ZNF804A: variants seen among roughly 807,000 people sequenced by gnomAD.
The protein encoded by ZNF804A is zinc finger protein 804A.
Under a neutral mutation model 16.5 loss-of-function variants are expected in ZNF804A, and 2 were observed. The observed-to-expected ratio is 0.12, with a 90% CI of 0.05 to 0.38. The LOEUF is 0.38. ZNF804A is among the 10% of genes least tolerant of loss of function. The pLI is 0.99. For synonymous variants in ZNF804A, 534 were observed against 489.6 expected, an observed-to-expected ratio of 1.09 and a Z score of -1.20; for missense variants, 1,473 against 1,390.7, an observed-to-expected ratio of 1.06 and a Z score of -0.94.
intron 1 of ZNF804A, among the ~76,000 whole-genome samples, chr2:184,811,468 G>C (rs1334928785): frequency 6.6e-6 from 1 of 152,138 alleles, no homozygotes; most frequent in East Asian, 1.9e-4. Flanking sequence ...ACCTAGGATA[G>C]AACTTTCTTT....
At chr2:184,892,822 C>A (rs1307005781) in intron 2 of ZNF804A, among the ~76,000 whole-genome samples, 1 of 152,094 alleles carries the variant, frequency 6.6e-6, no homozygotes, top group Non-Finnish European at 1.5e-5. Flanking sequence ...ACAAACCTGA[C>A]GTCCTTACCT....
At chr2:184,887,113 T>G (rs575997693) in intron 2 of ZNF804A, among the ~76,000 whole-genome samples, 12 of 152,238 alleles carry the variant, frequency 7.9e-5, no homozygotes, top group Non-Finnish European at 1.6e-4. Flanking sequence ...AATGCTTTGC[T>G]GGTTACAAAT....
chr2:184,806,269 A>G (rs1694800268), intron 1 of ZNF804A, among the ~76,000 whole-genome samples: 1 of 151,952 alleles, frequency 6.6e-6, no homozygotes, highest in South Asian at 2.1e-4. Context: ...ATACTCTTAT[A>G]CATTCGTAGT....
chr2:184,747,560 AAG>A (rs1038939392), intron 1 of ZNF804A, among the ~76,000 whole-genome samples: 11 of 151,266 alleles, frequency 7.3e-5, no homozygotes, highest in Admixed American at 6.6e-5. Context: ...CGGAAATAAA[AAG>A]AGAATATATG....
intron 1 of ZNF804A, among the ~76,000 whole-genome samples, chr2:184,701,187 C>G (rs558872844): frequency 6.6e-6 from 1 of 151,934 alleles, no homozygotes; most frequent in South Asian, 2.1e-4. Flanking sequence ...TAATGTAAAA[C>G]TGTGATTCAA....
chr2:184,697,358 T>C (rs1692849039), intron 1 of ZNF804A, among the ~76,000 whole-genome samples: 1 of 152,072 alleles, frequency 6.6e-6, no homozygotes, highest in South Asian at 2.1e-4. Flanking sequence ...TTCTGGGTCA[T>C]AGAATCTGTA....
chr2:184,866,267 C>A, intron 1 of ZNF804A, 102 bp from the exon 2 acceptor site: 1 of 1,025,904 alleles, frequency 9.7e-7, no homozygotes. Flanking sequence ...TTGCTGTATT[C>A]TGTTTCTAAC....
At chr2:184,729,988 C>G (rs928219793) in intron 1 of ZNF804A, among the ~76,000 whole-genome samples, 3 of 152,022 alleles carry the variant, frequency 2.0e-5, no homozygotes, top group African/African-American at 7.2e-5. Flanking sequence ...TAGTATTGGT[C>G]CTGACTCATA....
intron 1 of ZNF804A, among the ~76,000 whole-genome samples, chr2:184,810,556 T>G (rs973871490): frequency 2.7e-5 from 4 of 146,400 alleles, no homozygotes; most frequent in African/African-American, 5.1e-5. Flanking sequence ...AGTGGAGCGA[T>G]CTCTGCTTAC....
intron 1 of ZNF804A, among the ~76,000 whole-genome samples, chr2:184,680,617 A>G (rs1466041568): frequency 3.3e-5 from 5 of 152,238 alleles, no homozygotes; most frequent in Admixed American, 3.3e-4. Flanking sequence ...CTTGCAGGTC[A>G]CCGCTGAGCT....
intron 1 of ZNF804A, among the ~76,000 whole-genome samples, chr2:184,699,061 C>T (rs1692880420): frequency 6.6e-6 from 1 of 151,894 alleles, no homozygotes; most frequent in Admixed American, 6.6e-5. Context: ...GGGGTGGACA[C>T]CTGAATAAAA....
intron 1 of ZNF804A, among the ~76,000 whole-genome samples, chr2:184,650,513 C>G (rs531404506): frequency 1.4e-4 from 22 of 152,042 alleles, no homozygotes; most frequent in African/African-American, 5.1e-4. Context: ...TAAAAAGTAG[C>G]TAAGCTGTCT....
At chr2:184,767,211 T>A in intron 1 of ZNF804A, among the ~76,000 whole-genome samples, 1 of 152,214 alleles carries the variant, frequency 6.6e-6, no homozygotes, top group Non-Finnish European at 1.5e-5. Flanking sequence ...TGTCCACTGG[T>A]GGATGAGCAG....
intron 1 of ZNF804A, among the ~76,000 whole-genome samples, chr2:184,865,875 T>A (rs1695870814): frequency 6.6e-6 from 1 of 152,142 alleles, no homozygotes; most frequent in Admixed American, 6.5e-5. Flanking sequence ...TCCAGTTAAA[T>A]GCCTAGATGG....
chr2:184,881,028 G>A (rs562857381), intron 2 of ZNF804A, among the ~76,000 whole-genome samples: 1 of 152,146 alleles, frequency 6.6e-6, no homozygotes, highest in South Asian at 2.1e-4. Flanking sequence ...AAAATAAAAT[G>A]ATACAGTAGA....
intron 1 of ZNF804A, among the ~76,000 whole-genome samples, chr2:184,819,330 A>G (rs149705229): frequency 0.015 from 2,290 of 152,200 alleles, 25 homozygotes; most frequent in Non-Finnish European, 0.025. Context: ...CTGGGCAAAT[A>G]ATGAAATCAA....
At chr2:184,708,713 A>G (rs1285797855) in intron 1 of ZNF804A, among the ~76,000 whole-genome samples, 2 of 152,176 alleles carry the variant, frequency 1.3e-5, no homozygotes, top group Non-Finnish European at 2.9e-5. Context: ...CTTACAATCT[A>G]TGACAAGGAA....
At chr2:184,860,648 T>G (rs1296785016) in intron 1 of ZNF804A, among the ~76,000 whole-genome samples, 1 of 152,164 alleles carries the variant, frequency 6.6e-6, no homozygotes, top group African/African-American at 2.4e-5. Context: ...TATGGGAACT[T>G]GCTTAGTGCC....
chr2:184,920,818 G>A (rs1685517841), intron 2 of ZNF804A, among the ~76,000 whole-genome samples: 1 of 152,094 alleles, frequency 6.6e-6, no homozygotes, highest in Non-Finnish European at 1.5e-5. Flanking sequence ...ACTACCACAA[G>A]GAAATGAATT....
Sources: gnomAD v4.1 joint callset for allele counts (sites outside exome capture counted in the v4.1 genomes callset) on GRCh38, gnomAD v4.1.1 for gene constraint, MANE v1.5 for transcripts, NCBI Gene and HGNC (gene_info 2026-07-23, HGNC 2026-07-21) for gene names.